HNRNPK: variants seen among roughly 807,000 people sequenced by gnomAD.
The protein encoded by HNRNPK is dC-stretch binding protein.
In HNRNPK, 7 loss-of-function variants were observed where a neutral mutation model predicts 67.0. The ratio of observed to expected loss-of-function variants is 0.10; its 90% CI spans 0.06 to 0.20. The LOEUF (loss-of-function observed/expected upper bound fraction) is 0.20. Ranked by LOEUF, HNRNPK falls within the 10% of genes least tolerant of loss-of-function variation. The pLI is 1.00. For missense variants in HNRNPK, 264 were observed against 606.5 expected, an observed-to-expected ratio of 0.44 and a Z score of 5.93; for synonymous variants, 213 against 193.7, an observed-to-expected ratio of 1.10 and a Z score of -0.83.
chr9:83,969,467 G>C, intron 16 of HNRNPK, 27 bp from the exon 17 acceptor site: 1 of 1,505,870 alleles, frequency 6.6e-7, no homozygotes. Flanking sequence ...AAAAAAGTGC[G>C]AATTAGAATT....
rs564616606 is a variant in HNRNPK, at chr9:83,973,965, C to T, written c.339G>A (p.Gln113=). 1.9e-6 allele frequency: 3 copies of T among 1,612,772 alleles called. No homozygotes were observed. Among genetic ancestry groups the T allele is most frequent in the East Asian group, 2.2e-5 (1 of 44,856 alleles). Residue 113 remains glutamine, a synonymous_variant, in exon 8 of 17, where the codon CAG becomes CAA. Coordinates refer to ENST00000376263, the MANE Select transcript of HNRNPK (RefSeq NM_031263.4). ...KIIPTLEEGL[Q]LPSPTATSQL... is the part of the protein sequence containing the mutation. Reference sequence around the variant, plus strand: ...GGCTGGTTGCAGTGGGTGATGGCAACTGCAGGCCCTGAAAGTAGAAAAATA... The same window carrying T: ...GGCTGGTTGCAGTGGGTGATGGCAATTGCAGGCCCTGAAAGTAGAAAAATA...
intron 8 of HNRNPK, among the ~76,000 whole-genome samples, chr9:83,973,671 AT>A (rs1956952989): frequency 6.6e-6 from 1 of 152,222 alleles, no homozygotes; most frequent in African/African-American, 2.4e-5. Flanking sequence ...CAAAATTATT[AT>A]TAACATTCAA....
In HNRNPK at chr9:83,977,729, G is replaced by T; in HGVS notation, c.116C>A (p.Thr39Asn). The T allele has an allele frequency of 1.9e-6, 3 of 1,609,300 alleles. No homozygotes were observed. The highest frequency in any genetic ancestry group is 3.4e-4 in the Middle Eastern group (2 of 5,816). Reference sequence around the variant, plus strand: ...AATGCGTAATTCAACCATCTCATCAGTGTTTCTAGATCTTTTAAATGCTTG... The same window carrying T: ...AATGCGTAATTCAACCATCTCATCATTGTTTCTAGATCTTTTAAATGCTTG... Reference protein sequence around the residue: ...EEQAFKRSRNTDEMVELRILL... With the variant: ...EEQAFKRSRNNDEMVELRILL... Residue 39 changes from threonine (T) to asparagine (N), a missense_variant, in exon 4 of 17, where the codon ACT (threonine) becomes AAT (asparagine). Physicochemically the swap from Thr to Asn is moderately conservative, Grantham distance 65. Around this residue, in one of 6 missense-constraint regions of HNRNPK, gnomAD observed 32 missense variants for 45.6 expected, o/e 0.70. Transcript: ENST00000376263.
At chr9:83,973,691 A>G (rs1956953573) in intron 8 of HNRNPK, among the ~76,000 whole-genome samples, 1 of 152,234 alleles carries the variant, frequency 6.6e-6, no homozygotes, top group African/African-American at 2.4e-5. Flanking sequence ...AAATAACACC[A>G]TAATAAAAAT....
At chr9:83,974,009 T>A in intron 7 of HNRNPK, 36 bp from the exon 8 acceptor site, 1 of 1,383,054 alleles carries the variant, frequency 7.2e-7, no homozygotes, top group Non-Finnish European at 1.0e-6. Context: ...AGGTTAAGTG[T>A]CTAGCGTGAT....
chr9:83,978,222 G>A lies in HNRNPK; in HGVS notation c.31C>T (p.Pro11Ser), dbSNP rs1333759281. The change falls in exon 3 of 17, where the codon CCT becomes TCT. Residue 11 changes from proline (P) to serine (S), a missense_variant. By Grantham distance (74) the Pro-to-Ser change is moderately conservative. This residue lies in a region of HNRNPK where 32 missense variants were observed against 45.6 expected (regional missense o/e 0.70). Transcript: ENST00000376263. METEQPEETF[P>S]NTETNGEFGK... is the part of the protein sequence containing the mutation. ...AATTCACCATTGGTTTCAGTGTTAG[G>A]GAAGGTTTCTTCTGGCTGTTCAGTT... is the stretch of plus-strand genomic sequence containing the variant. The A allele has an allele frequency of 1.2e-6, 2 of 1,611,222 alleles. No homozygotes were observed. The highest frequency in any genetic ancestry group is 1.7e-5 in the Admixed American group (1 of 59,940).
chr9:83,976,161 T>A (rs1472451343), intron 5 of HNRNPK, among the ~76,000 whole-genome samples: 1 of 152,218 alleles, frequency 6.6e-6, no homozygotes, highest in African/African-American at 2.4e-5. Flanking sequence ...ACAGGCAAGT[T>A]TGTAAAATTT....
rs1486744322 is a variant in HNRNPK at position 83,978,422 on chromosome 9, CCAA to C, written c.-80_-78del. 9 of 1,367,516 alleles carry C rather than the reference CCAA, an allele frequency of 6.6e-6. No individual in the cohort carries two copies. Among genetic ancestry groups the C allele is most frequent in the African/African-American group, 4.4e-5 (3 of 67,560 alleles). 84.7% of individuals were successfully genotyped at this position (1,367,516 alleles called of 1,614,324 possible). ...CAGAACTGAAGCGTTCTGGGTCGGA[CCAA>C]CAACTGACACCCCAGTGCTGCAGTA... On this transcript the variant is annotated 5_prime_UTR_variant, in exon 2 of 17. Transcript: ENST00000376263.
At chr9:83,976,395 T>C (rs573166393) in intron 5 of HNRNPK, 10 of 152,422 alleles carry the variant, frequency 6.6e-5, no homozygotes, top group Non-Finnish European at 1.5e-4. Context: ...ACTGCCAACA[T>C]TTAATGTGTC....
chr9:83,971,054 G>T, intron 13 of HNRNPK, 142 bp from the exon 14 acceptor site: 1 of 818,412 alleles, frequency 1.2e-6, no homozygotes, highest in East Asian at 2.6e-5. Context: ...TGATCCTCCT[G>T]CCTCAGACTC....
intron 5 of HNRNPK, chr9:83,976,754 AT>A: frequency 2.7e-6 from 1 of 367,094 alleles, no homozygotes; most frequent in Non-Finnish European, 4.9e-6. Flanking sequence ...GAAGTGAATA[AT>A]TTGGTGGACT....
Position 83,970,980 on chromosome 9 carries a change from A to G in HNRNPK, c.1093-68T>C, listed in dbSNP as rs1445536881. Reference sequence around the variant, plus strand: ...TAATTACTACCGGTACTTTAAAAAAATTCATTTAATAAAATGGAGTCTTGC... The same window carrying G: ...TAATTACTACCGGTACTTTAAAAAAGTTCATTTAATAAAATGGAGTCTTGC... On this transcript the variant is annotated intron_variant, in intron 13 of 16. Coordinates refer to ENST00000376263, the MANE Select transcript of HNRNPK (RefSeq NM_031263.4). The G allele has an allele frequency of 5.4e-6, 8 of 1,479,280 alleles. No individual in the cohort carries two copies. In the African/African-American group the frequency reaches 8.4e-5, roughly 15 times the overall value. The allele number at this position is 1,479,280 out of a possible 1,614,324, so 91.6% of individuals were successfully genotyped here. A position where few individuals can be genotyped will look rare whatever the true frequency, so the allele number is the denominator to read the frequency against.
At chr9:83,980,460 T>C (rs531147322), upstream of HNRNPK, 3 of 152,834 alleles carry the variant, frequency 2.0e-5, no homozygotes, top group African/African-American at 7.2e-5. Flanking sequence ...GCCCCAACCC[T>C]TACCCGAATC....
intron 9 of HNRNPK, 127 bp downstream of exon 9, chr9:83,973,156 ATTT>A: frequency 1.3e-6 from 1 of 755,384 alleles, no homozygotes; most frequent in Non-Finnish European, 2.2e-6. Flanking sequence ...AGTGCCAGAC[ATTT>A]TTTGTCATTT....
intron 5 of HNRNPK, among the ~76,000 whole-genome samples, chr9:83,976,227 C>T (rs759925733): frequency 2.0e-5 from 3 of 152,054 alleles, no homozygotes; most frequent in South Asian, 4.1e-4. Flanking sequence ...CAAAGATCTG[C>T]GACCAAGAGA....
At position 83,971,988 on chromosome 9, in the gene HNRNPK, T is replaced by G; in HGVS notation, c.847A>C (p.Met283Leu). Reference protein sequence around the residue: ...MPPSRRDYDDMSPRRGPPPPP... With the variant: ...MPPSRRDYDDLSPRRGPPPPP... ...GGAGGTGGTCCTCGACGAGGGCTCA[T>G]ATCATCATAATCTCTTCTAGATGGA... Residue 283 changes from methionine to leucine, a missense_variant, in exon 11 of 17, where the codon ATG (methionine) becomes CTG (leucine). Physicochemically the swap from Met to Leu is conservative, Grantham distance 15 (BLOSUM62 2). This residue lies in a region of HNRNPK where 142 missense variants were observed against 256.5 expected (regional missense o/e 0.55). Coordinates refer to ENST00000376263, the MANE Select transcript of HNRNPK (RefSeq NM_031263.4). 6.2e-7 allele frequency: 1 copy of G among 1,612,392 alleles called. No individual in the cohort carries two copies. The highest frequency in any genetic ancestry group is 8.5e-7 in the Non-Finnish European group (1 of 1,178,746).
Position 83,970,797 on chromosome 9 carries a change from A to T in HNRNPK, c.1131T>A (p.Arg377=). ...SGYDYSYAGG[R]GSYGDLGGPI... ...GTCCACCAAGATCACCATATGAGCC[A>T]CGACCCCCTGCATAGGAATAATCTG... Residue 377 remains arginine (R), a synonymous_variant, in exon 15 of 17, where the codon CGT becomes CGA. Transcript: ENST00000376263. 2 of 1,611,734 alleles carry T rather than the reference A, an allele frequency of 1.2e-6. No homozygotes were observed. Among genetic ancestry groups the T allele is most frequent in the Non-Finnish European group, 1.7e-6 (2 of 1,177,834 alleles).
intron 1 of HNRNPK, among the ~76,000 whole-genome samples, chr9:83,979,554 G>T (rs1588443188): frequency 6.6e-6 from 1 of 152,068 alleles, no homozygotes; most frequent in Non-Finnish European, 1.5e-5. Flanking sequence ...AAAACAGCCG[G>T]GTAACAGGAC....
At chr9:83,969,578 A>G in intron 16 of HNRNPK, 138 bp from the exon 17 acceptor site, 3 of 660,074 alleles carry the variant, frequency 4.5e-6, no homozygotes, top group Non-Finnish European at 8.2e-6. Context: ...ACCATTAGCA[A>G]TTACAAATTA....
Sources: gnomAD v4.1 joint callset for allele counts (sites outside exome capture counted in the v4.1 genomes callset) on GRCh38, gnomAD v4.1.1 for gene constraint, gnomAD v4.1.1 regional missense constraint, MANE v1.5 for transcripts, NCBI Gene and HGNC (gene_info 2026-07-23, HGNC 2026-07-21) for gene names.